The following ST18 variants were observed in gnomAD, a reference collection of about 807,000 sequenced individuals.
The protein encoded by ST18 is suppression of tumorigenicity 18 protein.
In ST18, 50 loss-of-function variants were observed where a neutral mutation model predicts 110.0. The observed-to-expected ratio is 0.45, with a 90% confidence interval of 0.36 to 0.58. The LOEUF (loss-of-function observed/expected upper bound fraction) is 0.58. Among genes scored for constraint, ST18 ranks in the 20% least tolerant of loss-of-function variants. The pLI, the probability that ST18 is intolerant of heterozygous loss-of-function variation, is 0.00. For synonymous variants in ST18, 461 were observed against 452.4 expected, an observed-to-expected ratio of 1.02 and a Z score of -0.24; for missense variants, 1,306 against 1,280.1, an observed-to-expected ratio of 1.02 and a Z score of -0.31.
intron 2 of ST18, among the ~76,000 whole-genome samples, chr8:52,310,880 C>T (rs1337690274): frequency 6.0e-5 from 7 of 117,642 alleles, no homozygotes; most frequent in Non-Finnish European, 1.0e-4. Context: ...AACTGCTCTG[C>T]GGAGAATGGG....
intron 2 of ST18, among the ~76,000 whole-genome samples, chr8:52,333,477 G>A (rs1046039332): frequency 6.6e-6 from 1 of 151,928 alleles, no homozygotes; most frequent in Non-Finnish European, 1.5e-5. Flanking sequence ...TCAGTTGAAA[G>A]GAAACAGAAA....
chr8:52,118,552 T>TGG, intron 23 of ST18, 111 bp from the exon 24 acceptor site: 1 of 600,336 alleles, frequency 1.7e-6, no homozygotes, highest in Non-Finnish European at 2.8e-6. Flanking sequence ...TTTAGTGTTT[T>TGG]TACCAAAACA....
intron 15 of ST18, 39 bp from the exon 16 acceptor site, chr8:52,150,016 T>A: frequency 6.3e-7 from 1 of 1,588,014 alleles, no homozygotes. Context: ...TTTAAGCAGT[T>A]TGCAGTTACA....
chr8:52,252,272 T>C (rs2094348141), intron 2 of ST18, among the ~76,000 whole-genome samples: 1 of 152,096 alleles, frequency 6.6e-6, no homozygotes, highest in African/African-American at 2.4e-5. Flanking sequence ...GCAAATAATT[T>C]CTGTATCTAC....
chr8:52,404,818 A>C (rs570932005), intron 2 of ST18: 1 of 152,368 alleles, frequency 6.6e-6, no homozygotes, highest in South Asian at 2.1e-4. Flanking sequence ...TTTTTCTATA[A>C]GATAAACAGT....
chr8:52,372,214 T>A (rs940956355), intron 2 of ST18, among the ~76,000 whole-genome samples: 10 of 152,180 alleles, frequency 6.6e-5, no homozygotes, highest in Non-Finnish European at 1.2e-4. Context: ...AAAAAGTTTT[T>A]AAAATTTTTT....
chr8:52,288,230 T>C (rs1157939941), intron 2 of ST18, among the ~76,000 whole-genome samples: 1 of 152,160 alleles, frequency 6.6e-6, no homozygotes, highest in Non-Finnish European at 1.5e-5. Flanking sequence ...ACGTCCACTG[T>C]GATGTGCTGG....
intron 7 of ST18, 121 bp downstream of exon 7, chr8:52,214,082 G>GA (rs2083208147): frequency 9.2e-7 from 1 of 1,087,076 alleles, no homozygotes; most frequent in African/African-American, 1.6e-5. Flanking sequence ...GGCTTGATTT[G>GA]AAAAAAGAAG....
At chr8:52,222,391 C>T (rs1231496545) in intron 3 of ST18, among the ~76,000 whole-genome samples, 1 of 152,194 alleles carries the variant, frequency 6.6e-6, no homozygotes, top group Non-Finnish European at 1.5e-5. Context: ...TCACAGCTTC[C>T]ACTCAACAGC....
At chr8:52,271,641 TG>T (rs1564381520) in intron 2 of ST18, among the ~76,000 whole-genome samples, 1 of 152,224 alleles carries the variant, frequency 6.6e-6, no homozygotes, top group Non-Finnish European at 1.5e-5. Context: ...TACCTCCAAA[TG>T]ACATTCAGAC....
intron 2 of ST18, among the ~76,000 whole-genome samples, chr8:52,322,453 A>G (rs7008328): frequency 0.016 from 2,474 of 152,348 alleles, 57 homozygotes; most frequent in African/African-American, 0.057. Context: ...TGTGACAATG[A>G]TATCTGACCG....
intron 8 of ST18, among the ~76,000 whole-genome samples, chr8:52,210,760 T>G (rs1588541774): frequency 6.6e-6 from 1 of 152,142 alleles, no homozygotes; most frequent in South Asian, 2.1e-4. Context: ...GATTCCCTAC[T>G]GACAAATTCC....
In ST18 at chr8:52,130,119, A is replaced by AAAGAAAGAAAGAAAAGAAAGAAAG. The variant is rs67888949; in HGVS notation, c.2666+1838_2666+1839insCTTTCTTTCTTTTCTTTCTTTCTT. Among the ~76,000 whole-genome samples, 347 of 105,206 alleles carry AAAGAAAGAAAGAAAAGAAAGAAAG rather than the reference A, an allele frequency of 3.3e-3. 3 individuals are homozygous for AAAGAAAGAAAGAAAAGAAAGAAAG. The highest frequency in any genetic ancestry group is 4.3e-3 in the Middle Eastern group (1 of 234). The allele number at this position is 105,206 out of a possible 152,430, so 69.0% of individuals were successfully genotyped here. A position where few individuals can be genotyped will look rare whatever the true frequency, so the allele number is the denominator to read the frequency against. On this transcript the variant is annotated intron_variant, in intron 22 of 25. Transcript: ENST00000689386. ...AAAAGAAAGAAAGAAAGAAAGAAAG[A>AAAGAAAGAAAGAAAAGAAAGAAAG]AAAGAAAGAAAGAAAGAAAGAAAGA...
chr8:52,145,910 GT>G (rs757457794), intron 16 of ST18, among the ~76,000 whole-genome samples: 1 of 152,148 alleles, frequency 6.6e-6, no homozygotes, highest in Admixed American at 6.5e-5. Context: ...GATATTTTGA[GT>G]TTTTTCCAGA....
chr8:52,221,886 C>G (rs538316573), intron 3 of ST18, 93 bp from the exon 4 acceptor site: 1 of 150,354 alleles, frequency 6.7e-6, no homozygotes, highest in East Asian at 2.0e-4. Flanking sequence ...CTTGGGAATT[C>G]TTAGTTTGCG....
At chr8:52,254,563 T>G (rs142495076) in intron 2 of ST18, among the ~76,000 whole-genome samples, 2 of 152,272 alleles carry the variant, frequency 1.3e-5, no homozygotes, top group African/African-American at 4.8e-5. Context: ...ACCTCCCATA[T>G]ATCAGTCATC....
chr8:52,353,506 A>G (rs1449318523), intron 2 of ST18, among the ~76,000 whole-genome samples: 1 of 152,218 alleles, frequency 6.6e-6, no homozygotes, highest in African/African-American at 2.4e-5. Context: ...TGTCTAAATA[A>G]AAACACACTC....
chr8:52,226,795 TA>T (rs2089601588), intron 3 of ST18, among the ~76,000 whole-genome samples: 1 of 152,206 alleles, frequency 6.6e-6, no homozygotes, highest in Non-Finnish European at 1.5e-5. Flanking sequence ...GATTCACAAA[TA>T]AAGCTTTTTA....
intron 2 of ST18, chr8:52,403,249 G>C (rs903172499): frequency 6.6e-6 from 1 of 152,264 alleles, no homozygotes; most frequent in Non-Finnish European, 1.5e-5. Context: ...GGGATAAACA[G>C]ATACAGTGGC....
Sources: gnomAD v4.1 joint callset for allele counts (sites outside exome capture counted in the v4.1 genomes callset) on GRCh38, gnomAD v4.1.1 for gene constraint, MANE v1.5 for transcripts, NCBI Gene and HGNC (gene_info 2026-07-23, HGNC 2026-07-21) for gene names.